The following PRRT1B variants were observed in gnomAD, a reference collection of about 807,000 sequenced individuals.
The protein encoded by PRRT1B is proline rich transmembrane protein 1B.
At chr9:131,556,112 G>A (rs1951047778) in exon 3 of PRRT1B, 4 of 401,132 alleles carry the variant, frequency 1.0e-5, no homozygotes, top group Non-Finnish European at 1.8e-5. Context: ...TGCCACGGTG[G>A]AGCACAGGCC....
chr9:131,558,026 GC>G, intron 3 of PRRT1B, 26 bp from the exon 4 acceptor site: 1 of 398,778 alleles, frequency 2.5e-6, no homozygotes, highest in Non-Finnish European at 4.4e-6. Flanking sequence ...CGCTCCCACC[GC>G]CCCCTCCTGC....
intron 1 of PRRT1B, among the ~76,000 whole-genome samples, chr9:131,547,467 T>C (rs191674258): frequency 6.6e-6 from 1 of 152,270 alleles, no homozygotes; most frequent in Admixed American, 6.5e-5. Context: ...TTGACTGTAA[T>C]TTTCCTTTAC....
chr9:131,548,657 C>A (rs1346005861), intron 1 of PRRT1B, among the ~76,000 whole-genome samples: 1 of 152,136 alleles, frequency 6.6e-6, no homozygotes, highest in South Asian at 2.1e-4. Flanking sequence ...CAGTCCCAAC[C>A]CCAAGCGTCA....
chr9:131,550,689 A>G (rs1452125275), intron 1 of PRRT1B, among the ~76,000 whole-genome samples: 1 of 152,070 alleles, frequency 6.6e-6, no homozygotes, highest in Non-Finnish European at 1.5e-5. Context: ...ACTTGACCTT[A>G]CTGTTTTAGC....
chr9:131,549,533 G>A (rs919929121), intron 1 of PRRT1B, among the ~76,000 whole-genome samples: 1 of 152,158 alleles, frequency 6.6e-6, no homozygotes, highest in South Asian at 2.1e-4. Flanking sequence ...CTCCTTCCCA[G>A]ATCTTCTTGG....
chr9:131,550,649 A>G (rs1016006366), intron 1 of PRRT1B, among the ~76,000 whole-genome samples: 1 of 152,138 alleles, frequency 6.6e-6, no homozygotes. Context: ...AAGAGTCGGG[A>G]CTGCGCCCCG....
chr9:131,548,491 C>T (rs1383780118), intron 1 of PRRT1B, among the ~76,000 whole-genome samples: 1 of 152,172 alleles, frequency 6.6e-6, no homozygotes, highest in Non-Finnish European at 1.5e-5. Flanking sequence ...TCGATTTTTC[C>T]ATCCTACAAA....
In PRRT1B at chr9:131,547,706, C is replaced by A. The variant is rs551433531; in HGVS notation, c.25+2066C>A. 8.1e-3 allele frequency among the ~76,000 whole-genome samples: 1,231 copies of A among 152,258 alleles called. 10 individuals are homozygous for A. Among genetic ancestry groups the A allele is most frequent in the African/African-American group, 0.028 (1,177 of 41,534 alleles). The stretch of plus-strand genomic sequence containing the variant: ...TGCTCTTTGCTCCGTGAGAAAGATC[C>A]ACCTACGACCTCGGGTCCTCAGACC... On this transcript the variant is annotated intron_variant, in intron 1 of 3. Coordinates refer to ENST00000636672, the Ensembl canonical transcript of PRRT1B.
exon 2 of PRRT1B, chr9:131,554,694 G>A: frequency 2.7e-6 from 1 of 368,796 alleles, no homozygotes. Flanking sequence ...GCGGACCCTG[G>A]ACGAGGACGG....
chr9:131,556,888 C>T (rs529690400), intron 3 of PRRT1B, among the ~76,000 whole-genome samples: 1 of 152,196 alleles, frequency 6.6e-6, no homozygotes, highest in African/African-American at 2.4e-5. Context: ...TTGCCTCAGC[C>T]TCCCAAAGTG....
exon 1 of PRRT1B, chr9:131,545,525 A>G (rs890054483): frequency 5.1e-6 from 2 of 394,088 alleles, no homozygotes; most frequent in Non-Finnish European, 9.0e-6. Context: ...GCACCAGGAA[A>G]CCTGAGCCCG....
intron 3 of PRRT1B, among the ~76,000 whole-genome samples, chr9:131,556,954 C>CCATCCATCCAT (rs916595055): frequency 6.6e-6 from 1 of 151,996 alleles, no homozygotes. Flanking sequence ...TCTCTAGCCT[C>CCATCCATCCAT]CATCCATCCA....
chr9:131,548,156 TTC>T (rs996532181), intron 1 of PRRT1B, among the ~76,000 whole-genome samples: 89 of 152,120 alleles, frequency 5.9e-4, no homozygotes, highest in African/African-American at 2.0e-3. Context: ...ACCCAACCCA[TTC>T]TCTCTGTGTC....
At chr9:131,555,693 T>A (rs7039345) in intron 2 of PRRT1B, among the ~76,000 whole-genome samples, 10 of 151,166 alleles carry the variant, frequency 6.6e-5, no homozygotes, top group Admixed American at 6.6e-4. Context: ...AAAACAAAAA[T>A]AAAAATAAAA....
chr9:131,555,448 G>A (rs1386332846), intron 2 of PRRT1B, among the ~76,000 whole-genome samples: 1 of 152,168 alleles, frequency 6.6e-6, no homozygotes, highest in Admixed American at 6.5e-5. Context: ...GGCCAAGACA[G>A]GCAGATGGCT....
Position 131,547,065 on chromosome 9 carries a change from C to CTTTTTTTTTTT in PRRT1B, c.25+1439_25+1449dup, listed in dbSNP as rs549825970. On this transcript the variant is annotated intron_variant, in intron 1 of 3. Coordinates refer to ENST00000636672, the Ensembl canonical transcript of PRRT1B. ...AGAGCAGAGCCTGGCCTCCTGTTCGCTTTTTTTTTTTTTTTTTTTTTTTTG... is the reference window on the plus strand; with the variant it reads ...AGAGCAGAGCCTGGCCTCCTGTTCGCTTTTTTTTTTTTTTTTTTTTTTTTTTTTTTTTTTTG... Among the ~76,000 whole-genome samples, 125 of 100,758 alleles carry CTTTTTTTTTTT rather than the reference C, an allele frequency of 1.2e-3. 19 individuals are homozygous for CTTTTTTTTTTT. The highest frequency in any genetic ancestry group is 5.4e-3 in the African/African-American group (111 of 20,486). 66.1% of individuals were successfully genotyped at this position (100,758 alleles called of 152,430 possible). A position where few individuals can be genotyped will look rare whatever the true frequency, so the allele number is the denominator to read the frequency against.
At chr9:131,546,122 C>A (rs183998194) in intron 1 of PRRT1B, among the ~76,000 whole-genome samples, 189 of 152,304 alleles carry the variant, frequency 1.2e-3, no homozygotes, top group African/African-American at 4.2e-3. Context: ...CACTCCCGCC[C>A]CGTGTCCCGC....
chr9:131,554,976 A>ACGCCGCCCGCGCTCTTCT (rs1480066170), exon 2 of PRRT1B: 101 of 389,686 alleles, frequency 2.6e-4, no homozygotes, highest in Non-Finnish European at 3.8e-4. Flanking sequence ...AGCCGCGCCC[A>ACGCCGCCCGCGCTCTTCT]CGCCGCCCGC....
At chr9:131,558,892 C>T (rs1282011951), downstream of PRRT1B, among the ~76,000 whole-genome samples, 3 of 152,212 alleles carry the variant, frequency 2.0e-5, no homozygotes, top group Non-Finnish European at 4.4e-5. Flanking sequence ...CATCTGTCCA[C>T]AGTTGGGCTC....
Sources: allele counts gnomAD v4.1 joint callset (sites outside exome capture counted in the v4.1 genomes callset), GRCh38; gene constraint gnomAD v4.1.1; transcripts MANE v1.5; gene names NCBI Gene and HGNC (gene_info 2026-07-23, HGNC 2026-07-21).